MPI: variants seen among roughly 807,000 people sequenced by gnomAD.
MPI encodes the protein mannose phosphate isomerase.
In MPI, 33 loss-of-function variants were observed where a neutral mutation model predicts 40.1. That is an observed-to-expected ratio of 0.82 (90% CI 0.62 to 1.10). The LOEUF (loss-of-function observed/expected upper bound fraction) is 1.10, where lower values mean the gene tolerates loss of function less well. MPI is among the 50% of genes least tolerant of loss of function. The probability of loss-of-function intolerance (pLI) is 0.00; values close to 1 mark genes in which losing one functional copy is unlikely to be tolerated. For synonymous variants in MPI, 187 were observed against 207.4 expected (o/e 0.90, Z 0.85); for missense variants, 514 against 524.1 (o/e 0.98, Z 0.19).
At chr15:74,893,587 C>T (rs2064758782) in intron 5 of MPI, 1 of 602,782 alleles carries the variant, frequency 1.7e-6, no homozygotes, top group East Asian at 2.8e-5. Context: ...ATGCCTTCCA[C>T]CTAGGCATTC....
chr15:74,895,059 G>A (rs543404386), intron 5 of MPI, among the ~76,000 whole-genome samples: 186 of 149,788 alleles, frequency 1.2e-3, no homozygotes, highest in Non-Finnish European at 2.0e-3. Flanking sequence ...TCCGCCTCCC[G>A]GGTTCAAGCG....
At position 74,902,174 on chromosome 15, in the gene MPI, C is replaced by T. The variant is rs1048970693; in HGVS notation, c.*4444C>T. 1.5e-5 allele frequency: 6 copies of T among 398,410 alleles called. No individual in the cohort carries two copies. The highest frequency in any genetic ancestry group is 2.7e-5 in the Non-Finnish European group (6 of 225,934). 24.7% of individuals were successfully genotyped at this position (398,410 alleles called of 1,614,324 possible). A position where few individuals can be genotyped will look rare whatever the true frequency, so the allele number is the denominator to read the frequency against. On this transcript the variant is annotated 3_prime_UTR_variant, in exon 8 of 8. Coordinates refer to ENST00000352410, the MANE Select transcript of MPI (RefSeq NM_002435.3). ...CGGAATTTCTCGAACTGGTCTCAAA[C>T]AGTTTCTTTTTTGGATTGCCAGCTA...
Position 74,892,741 on chromosome 15 carries a change from C to G in MPI, c.426C>G (p.Leu142=). 6.2e-7 allele frequency: 1 copy of G among 1,614,286 alleles called. No homozygotes were observed. Among genetic ancestry groups the G allele is most frequent in the East Asian group, 2.2e-5 (1 of 44,890 alleles). ...ANHKPEMAIA[L]TPFQGLCGFR... is the part of the protein sequence containing the mutation. ...ACAAGCCAGAGATGGCCATTGCCCT[C>G]ACCCCCTTCCAGGGCTTGTGTGGCT... is the stretch of plus-strand genomic sequence containing the variant. Residue 142 remains leucine (L), a synonymous_variant, in exon 4 of 8, where the codon CTC becomes CTG. Transcript: ENST00000352410.
chr15:74,892,463 CCT>C (rs1183099673), intron 3 of MPI, among the ~76,000 whole-genome samples, 196 bp from the exon 4 acceptor site: 5 of 152,222 alleles, frequency 3.3e-5, no homozygotes, highest in African/African-American at 1.2e-4. Flanking sequence ...CGGGGTTGCC[CCT>C]GATTTGCCCC....
rs1000757267 is a variant in MPI, at chr15:74,897,104, G to C, written c.938G>C (p.Ser313Thr). The C allele has an allele frequency of 2.5e-6, 4 of 1,614,074 alleles. No homozygotes were observed. The highest frequency in any genetic ancestry group is 3.4e-6 in the Non-Finnish European group (4 of 1,180,038). Reference protein sequence around the residue: ...IDVPTLCEMLSYTPSSSKDRL... With the variant: ...IDVPTLCEMLTYTPSSSKDRL... Reference sequence around the variant, plus strand: ...GTGCCAACCCTGTGTGAAATGCTCAGCTATACCCCTAGCTCCAGCAAGGAC... The same window carrying C: ...GTGCCAACCCTGTGTGAAATGCTCACCTATACCCCTAGCTCCAGCAAGGAC... The change falls in exon 7 of 8, where the codon AGC (serine) becomes ACC (threonine). Residue 313 changes from serine (S) to threonine (T), a missense_variant. Physicochemically the swap from Ser to Thr is moderately conservative, Grantham distance 58. Coordinates refer to ENST00000352410, the MANE Select transcript of MPI (RefSeq NM_002435.3).
At position 74,892,670 on chromosome 15, in the gene MPI, G is replaced by A. The variant is rs2064744356; in HGVS notation, c.355G>A (p.Glu119Lys). 6.2e-7 allele frequency: 1 copy of A among 1,614,192 alleles called. No homozygotes were observed. The highest frequency in any genetic ancestry group is 1.3e-5 in the African/African-American group (1 of 75,058). Residue 119 changes from glutamate to lysine, a missense_variant, in exon 4 of 8, where the codon GAG becomes AAG. By Grantham distance (56) the Glu-to-Lys change is moderately conservative. Transcript: ENST00000352410. Reference sequence around the variant, plus strand: ...CCTGGCCACCCCACAGGAGCTGGCAGAGAAGCTGCACCTCCAGGCTCCGCA... The same window carrying A: ...CCTGGCCACCCCACAGGAGCTGGCAAAGAAGCTGCACCTCCAGGCTCCGCA... The part of the protein sequence containing the change: ...IQAHPNKELA[E>K]KLHLQAPQHY...
chr15:74,891,953 C>A (rs1024751877), intron 3 of MPI, among the ~76,000 whole-genome samples: 1 of 152,130 alleles, frequency 6.6e-6, no homozygotes, highest in Non-Finnish European at 1.5e-5. Flanking sequence ...AGTCTCCCTA[C>A]ACAAGCCGGA....
intron 5 of MPI, among the ~76,000 whole-genome samples, chr15:74,894,983 T>C (rs1326069879): frequency 1.7e-4 from 25 of 150,998 alleles, no homozygotes; most frequent in Non-Finnish European, 1.5e-5. Flanking sequence ...TTTTTTTTTT[T>C]TGAGACGGAG....
At chr15:74,894,097 TGTG>T (rs1567267257) in intron 5 of MPI, among the ~76,000 whole-genome samples, 3 of 47,908 alleles carry the variant, frequency 6.3e-5, no homozygotes, top group African/African-American at 1.0e-4. Context: ...TGTGTGTGTG[TGTG>T]TGTGTGTGGT....
Position 74,896,267 on chromosome 15 carries a change from G to A in MPI, c.786G>A (p.Leu262=), listed in dbSNP as rs1301498236. The change falls in exon 6 of 8, where the codon CTG becomes CTA. Residue 262 remains leucine (L), a synonymous_variant. Transcript: ENST00000352410. ...FAIYFLNLLT[L]KPGEAMFLEA... ...TCTACTTCCTGAACCTGCTTACCCT[G>A]AAGCCTGGGGAGGCCATGTTTCTGG... 1 of 1,614,144 alleles carries A rather than the reference G, an allele frequency of 6.2e-7. No homozygotes were observed.
chr15:74,899,654 T>A lies in MPI; in HGVS notation c.*1924T>A, dbSNP rs780930336. The A allele has an allele frequency of 6.6e-6, 1 of 152,150 alleles. No homozygotes were observed. Among genetic ancestry groups the A allele is most frequent in the Non-Finnish European group, 1.5e-5 (1 of 68,040 alleles). 9.4% of individuals were successfully genotyped at this position (152,150 alleles called of 1,614,324 possible). A position where few individuals can be genotyped will look rare whatever the true frequency, so the allele number is the denominator to read the frequency against. On this transcript the variant is annotated 3_prime_UTR_variant, in exon 8 of 8. Coordinates refer to ENST00000352410, the MANE Select transcript of MPI (RefSeq NM_002435.3). The stretch of plus-strand genomic sequence containing the variant: ...TAACTTTTATTTTTTTGAGACGGAG[T>A]CTCGCACTGTCTCCCGGGCTGGAGT...
At position 74,899,057 on chromosome 15, in the gene MPI, T is replaced by A. The variant is rs1332587414; in HGVS notation, c.*1327T>A. On this transcript the variant is annotated 3_prime_UTR_variant, in exon 8 of 8. Transcript: ENST00000352410. ...CTCAACTGTTGCAGATTACAGGGAC[T>A]CAGGAACCGAATTAGACAATTTTCA... The A allele has an allele frequency of 6.6e-6, 1 of 152,236 alleles. No homozygotes were observed. The highest frequency in any genetic ancestry group is 2.4e-5 in the African/African-American group (1 of 41,456). The allele number at this position is 152,236 out of a possible 1,614,324, so 9.4% of individuals were successfully genotyped here.
At position 74,899,539 on chromosome 15, in the gene MPI, G is replaced by C. The variant is rs1014985909; in HGVS notation, c.*1809G>C. The C allele has an allele frequency of 6.6e-6, 1 of 152,266 alleles. No individual in the cohort carries two copies. Among genetic ancestry groups the C allele is most frequent in the South Asian group, 2.1e-4 (1 of 4,832 alleles). 9.4% of individuals were successfully genotyped at this position (152,266 alleles called of 1,614,324 possible). On this transcript the variant is annotated 3_prime_UTR_variant, in exon 8 of 8. Transcript: ENST00000352410. Reference sequence around the variant, plus strand: ...CAGGCCCGAAAGTGATGCCCAGTGGGAACAGCAGAAAGGGGAGGGAGTTTC... The same window carrying C: ...CAGGCCCGAAAGTGATGCCCAGTGGCAACAGCAGAAAGGGGAGGGAGTTTC...
Position 74,897,948 on chromosome 15 carries a change from T to TA in MPI, c.*219dup. 1.6e-6 allele frequency: 1 copy of TA among 621,392 alleles called. No homozygotes were observed. The allele number at this position is 621,392 out of a possible 1,614,324, so 38.5% of individuals were successfully genotyped here. A position where few individuals can be genotyped will look rare whatever the true frequency, so the allele number is the denominator to read the frequency against. ...GGAGAGGCCCGTGTGAGGGGTCTGA[T>TA]ACTCCCTTTGTCTTCCCTCTCTACT... On this transcript the variant is annotated 3_prime_UTR_variant, in exon 8 of 8. Transcript: ENST00000352410.
At chr15:74,893,065 C>G (rs1237359369) in intron 4 of MPI, 73 bp from the exon 5 acceptor site, 1 of 1,585,972 alleles carries the variant, frequency 6.3e-7, no homozygotes, top group African/African-American at 1.3e-5. Flanking sequence ...GGAAAGGTGT[C>G]CTCCAACTCC....
At position 74,890,630 on chromosome 15, in the gene MPI, C is replaced by T; in HGVS notation, c.120C>T (p.Ile40=). The change falls in exon 2 of 8, where the codon ATC becomes ATT. Residue 40 remains isoleucine, a synonymous_variant. Transcript: ENST00000352410. ...CCAGCAGTGATCCACTGGCCCAGATCGCAGAGGACAAGCCTTATGCAGAGG... is the reference window on the plus strand; with the variant it reads ...CCAGCAGTGATCCACTGGCCCAGATTGCAGAGGACAAGCCTTATGCAGAGG... ...LLASSDPLAQ[I]AEDKPYAELW... 1 of 1,614,054 alleles carries T rather than the reference C, an allele frequency of 6.2e-7. No homozygotes were observed. The highest frequency in any genetic ancestry group is 2.2e-5 in the East Asian group (1 of 44,888).
In MPI at chr15:74,898,249, C is replaced by G. The variant is rs141577295; in HGVS notation, c.*519C>G. The G allele has an allele frequency of 1.3e-4, 30 of 227,202 alleles. No individual in the cohort carries two copies. The East Asian group carries it at 2.8e-3, about 21-fold the overall frequency. The allele number at this position is 227,202 out of a possible 1,614,324, so 14.1% of individuals were successfully genotyped here. A position where few individuals can be genotyped will look rare whatever the true frequency, so the allele number is the denominator to read the frequency against. ...TTGAGGCTGTGGGGTAATGAGCACT[C>G]AGCCTTTGGGGTACCTGTTCCTAAA... On this transcript the variant is annotated 3_prime_UTR_variant, in exon 8 of 8. Coordinates refer to ENST00000352410, the MANE Select transcript of MPI (RefSeq NM_002435.3).
chr15:74,897,591 TA>T lies in MPI; in HGVS notation c.1134del (p.Ile378MetfsTer29). On this transcript the variant is annotated frameshift_variant, in exon 8 of 8. Transcript: ENST00000352410. LOFTEE classifies it high-confidence loss of function. Reference protein sequence around the residue: ...SILLMVQGTVIASTPTTQTPI... With the variant: ...SILLMVQGTVXASTPTTQTPI... ...CTCCTGATGGTACAGGGGACAGTAA[TA>T]GCCAGCACACCCACAACCCAGACAC... 1 of 1,614,152 alleles carries T rather than the reference TA, an allele frequency of 6.2e-7. No individual in the cohort carries two copies.
intron 5 of MPI, among the ~76,000 whole-genome samples, chr15:74,894,595 G>A (rs1595820503): frequency 6.8e-6 from 1 of 147,862 alleles, no homozygotes; most frequent in East Asian, 2.1e-4. Context: ...CTGCACTTCA[G>A]CCGGGGCAAT....
Sources: allele counts gnomAD v4.1 joint callset (sites outside exome capture counted in the v4.1 genomes callset), GRCh38; gene constraint gnomAD v4.1.1; transcripts MANE v1.5; gene names NCBI Gene and HGNC (gene_info 2026-07-23, HGNC 2026-07-21).